ST3GAL6: variants seen among roughly 807,000 people sequenced by gnomAD.
The protein encoded by ST3GAL6 is type 2 lactosamine alpha-2,3-sialyltransferase.
ST3GAL6 carries 31 observed loss-of-function variants against 40.5 expected under a neutral mutation model. The ratio of observed to expected loss-of-function variants is 0.77; its 90% CI spans 0.58 to 1.03. ST3GAL6 has a LOEUF of 1.03. ST3GAL6 is among the 50% of genes least tolerant of loss of function. The pLI is 0.00. For missense variants in ST3GAL6, 357 were observed against 393.2 expected, an observed-to-expected ratio of 0.91 and a Z score of 0.78; for synonymous variants, 129 against 136.9, an observed-to-expected ratio of 0.94 and a Z score of 0.40.
upstream of ST3GAL6, among the ~76,000 whole-genome samples, chr3:98,760,420 G>T (rs556341236): frequency 2.6e-5 from 4 of 152,252 alleles, no homozygotes; most frequent in African/African-American, 9.6e-5. Context: ...TTTAATTCTC[G>T]TAGCAGATAA....
At chr3:98,766,292 A>G (rs1345501936) in intron 1 of ST3GAL6, among the ~76,000 whole-genome samples, 1 of 152,126 alleles carries the variant, frequency 6.6e-6, no homozygotes, top group Non-Finnish European at 1.5e-5. Flanking sequence ...TGACTTGTAA[A>G]TACTGACTTC....
At chr3:98,742,811 C>T (rs911962804) in intron 1 of ST3GAL6, among the ~76,000 whole-genome samples, 29 of 151,518 alleles carry the variant, frequency 1.9e-4, no homozygotes, top group African/African-American at 6.6e-4. Flanking sequence ...GATTCTCCTG[C>T]CTCAGCCTTC....
intron 1 of ST3GAL6, among the ~76,000 whole-genome samples, chr3:98,757,245 A>G (rs1937493159): frequency 6.6e-6 from 1 of 152,246 alleles, no homozygotes; most frequent in African/African-American, 2.4e-5. Context: ...TTTTTGGGAA[A>G]GACACTTATT....
intron 1 of ST3GAL6, among the ~76,000 whole-genome samples, chr3:98,743,841 T>C (rs1320707439): frequency 1.3e-5 from 2 of 152,144 alleles, no homozygotes; most frequent in Admixed American, 1.3e-4. Context: ...AGGATCCGTC[T>C]GGCTGAGGGT....
rs779758400 is a variant in ST3GAL6, at chr3:98,788,238, T to A, written c.618+16T>A. The stretch of plus-strand genomic sequence containing the variant: ...TGACAAAATAGTAAGTAGGCAAAAT[T>A]GTTCTGCCTTCAGATTACCTTTAGT... On this transcript the variant is annotated intron_variant, in intron 7 of 9. Coordinates refer to ENST00000483910, the MANE Select transcript of ST3GAL6 (RefSeq NM_001323368.2). The A allele has an allele frequency of 5.1e-5, 82 of 1,603,638 alleles. 1 individual carries two copies. The South Asian group carries it at 9.0e-4, about 18-fold the overall frequency.
In ST3GAL6 at chr3:98,782,513, C is replaced by G. The variant is rs916028566; in HGVS notation, c.336-2432C>G. ...ACAAGATGAATTTACACTCTGAACC[C>G]CAGGAGGTCCTGCACGTAGGAAGTG... On this transcript the variant is annotated intron_variant, in intron 5 of 9. Coordinates refer to ENST00000483910, the MANE Select transcript of ST3GAL6 (RefSeq NM_001323368.2). The G allele has an allele frequency of 8.4e-6, 5 of 595,102 alleles. No individual in the cohort carries two copies. The Admixed American group carries it at 8.7e-5, about 10-fold the overall frequency. 36.9% of individuals were successfully genotyped at this position (595,102 alleles called of 1,614,324 possible). A position where few individuals can be genotyped will look rare whatever the true frequency, so the allele number is the denominator to read the frequency against.
At chr3:98,790,909 A>C (rs963219650) in intron 8 of ST3GAL6, among the ~76,000 whole-genome samples, 1 of 152,322 alleles carries the variant, frequency 6.6e-6, no homozygotes, top group Non-Finnish European at 1.5e-5. Context: ...TACATAGGAT[A>C]AAGAAAATTT....
At chr3:98,762,315 A>T (rs1241064784), upstream of ST3GAL6, among the ~76,000 whole-genome samples, 1 of 152,216 alleles carries the variant, frequency 6.6e-6, no homozygotes, top group Non-Finnish European at 1.5e-5. Flanking sequence ...TTGACACTAC[A>T]CAACTCAATA....
At chr3:98,789,937 GA>G (rs1267061950) in intron 8 of ST3GAL6, among the ~76,000 whole-genome samples, 1 of 152,168 alleles carries the variant, frequency 6.6e-6, no homozygotes, top group Admixed American at 6.5e-5. Flanking sequence ...TATTTCAAGA[GA>G]AGTCAGCCAT....
chr3:98,775,474 CAAA>C (rs34588217), intron 5 of ST3GAL6, among the ~76,000 whole-genome samples: 2 of 125,012 alleles, frequency 1.6e-5, no homozygotes, highest in Non-Finnish European at 1.7e-5. Context: ...GACTTCGTCT[CAAA>C]AAAAAAAAAA....
At chr3:98,775,588 A>G (rs1187873395) in intron 5 of ST3GAL6, among the ~76,000 whole-genome samples, 1 of 152,126 alleles carries the variant, frequency 6.6e-6, no homozygotes, top group Non-Finnish European at 1.5e-5. Context: ...AGGCTATATG[A>G]CTAGAAGTTT....
chr3:98,769,790 G>A (rs1197212537), intron 2 of ST3GAL6, among the ~76,000 whole-genome samples: 1 of 148,852 alleles, frequency 6.7e-6, no homozygotes, highest in Non-Finnish European at 1.5e-5. Context: ...GTCACCCAAA[G>A]GTTGTCTTCA....
At chr3:98,763,126 G>A (rs1937964564), upstream of ST3GAL6, 6 of 985,426 alleles carry the variant, frequency 6.1e-6, no homozygotes, top group Non-Finnish European at 7.2e-6. Context: ...AGATGGCTGG[G>A]TCTGTGAGGC....
intron 2 of ST3GAL6, 98 bp from the exon 3 acceptor site, chr3:98,770,781 C>T: frequency 2.0e-6 from 2 of 1,004,340 alleles, no homozygotes; most frequent in South Asian, 1.3e-5. Flanking sequence ...GCCACAGAAC[C>T]TCTCAGTGGT....
intron 1 of ST3GAL6, among the ~76,000 whole-genome samples, chr3:98,767,647 G>A (rs2107159591): frequency 6.6e-6 from 1 of 152,328 alleles, no homozygotes; most frequent in South Asian, 2.1e-4. Context: ...TAAGACAATG[G>A]AAACTTTTCC....
Position 98,782,473 on chromosome 3 carries a change from G to A in ST3GAL6, c.336-2472G>A, listed in dbSNP as rs953095287. 3.1e-5 allele frequency: 19 copies of A among 614,270 alleles called. No homozygotes were observed. In the South Asian group the frequency reaches 3.7e-4, roughly 12 times the overall value. The allele number at this position is 614,270 out of a possible 1,614,324, so 38.1% of individuals were successfully genotyped here. A position where few individuals can be genotyped will look rare whatever the true frequency, so the allele number is the denominator to read the frequency against. ...TAGTCTCTTCTGGTGATGGAGAAAA[G>A]GAAGTGTCATCCATACAAGATGAAT... On this transcript the variant is annotated intron_variant, in intron 5 of 9. Transcript: ENST00000483910.
At chr3:98,782,486 A>G (rs979563313) in intron 5 of ST3GAL6, 3 of 610,482 alleles carry the variant, frequency 4.9e-6, no homozygotes, top group African/African-American at 1.9e-5. Context: ...AGTGTCATCC[A>G]TACAAGATGA....
chr3:98,767,758 G>A (rs1287635055), intron 1 of ST3GAL6, among the ~76,000 whole-genome samples: 1 of 152,100 alleles, frequency 6.6e-6, no homozygotes, highest in Non-Finnish European at 1.5e-5. Flanking sequence ...AGAGAGGATT[G>A]TGTCAAGGTT....
chr3:98,750,326 A>G lies in ST3GAL6; in HGVS notation c.-12+17794A>G, dbSNP rs558147103. Among the ~76,000 whole-genome samples the G allele has an allele frequency of 6.6e-5, 10 of 152,324 alleles. No individual in the cohort carries two copies. The South Asian group carries it at 2.1e-3, about 32-fold the overall frequency. On this transcript the variant is annotated intron_variant, in intron 1 of 9. Transcript: ENST00000265261. ...TGACCTTGGGGGTATAGGATATAAC[A>G]TGTTTTTGGACATTTGAATGTGTGG...
Sources: gnomAD v4.1 joint callset for allele counts (sites outside exome capture counted in the v4.1 genomes callset) on GRCh38, gnomAD v4.1.1 for gene constraint, MANE v1.5 for transcripts, NCBI Gene and HGNC (gene_info 2026-07-23, HGNC 2026-07-21) for gene names.